VPS37A: variants seen among roughly 807,000 people sequenced by gnomAD.
The protein encoded by VPS37A is VPS37A subunit of ESCRT-I.
In VPS37A, 30 loss-of-function variants were observed where a neutral mutation model predicts 49.8. The observed-to-expected ratio is 0.60, with a 90% CI of 0.45 to 0.82. The LOEUF (loss-of-function observed/expected upper bound fraction) is 0.82, where lower values mean the gene tolerates loss of function less well. Ranked by LOEUF, VPS37A falls within the 40% of genes least tolerant of loss-of-function variation. VPS37A has a pLI of 0.00. For synonymous variants in VPS37A, 195 were observed against 160.6 expected, an observed-to-expected ratio of 1.21 and a Z score of -1.62; for missense variants, 593 against 464.4, an observed-to-expected ratio of 1.28 and a Z score of -2.55.
intron 1 of VPS37A, among the ~76,000 whole-genome samples, chr8:17,252,410 C>T (rs1182254414): frequency 1.3e-5 from 2 of 152,044 alleles, no homozygotes; most frequent in East Asian, 3.9e-4. Flanking sequence ...ACTCCTGGGC[C>T]CAAGCACTCT....
chr8:17,323,885 A>T, the VPS37A span, among the ~76,000 whole-genome samples: 2 of 152,194 alleles, frequency 1.3e-5, no homozygotes, highest in African/African-American at 4.8e-5. Context: ...GTTCTCTGAA[A>T]ATCTGCCATC....
At chr8:17,272,911 T>A (rs1190817140) in intron 4 of VPS37A, among the ~76,000 whole-genome samples, 3 of 152,044 alleles carry the variant, frequency 2.0e-5, no homozygotes. Flanking sequence ...AAGTTATTTG[T>A]TTGGGTTTGT....
chr8:17,302,360 A>C, downstream of VPS37A: 1 of 1,426,612 alleles, frequency 7.0e-7, no homozygotes, highest in Non-Finnish European at 9.5e-7. Context: ...TAAGGTATCT[A>C]TGATACCACA....
chr8:17,300,483 C>G (rs954326476), downstream of VPS37A, among the ~76,000 whole-genome samples: 1 of 152,146 alleles, frequency 6.6e-6, no homozygotes, highest in African/African-American at 2.4e-5. Context: ...TTGAAGCACC[C>G]AGTGAACCCT....
At chr8:17,256,862 G>A (rs1038847238) in intron 1 of VPS37A, among the ~76,000 whole-genome samples, 6 of 152,080 alleles carry the variant, frequency 3.9e-5, no homozygotes, top group Non-Finnish European at 7.4e-5. Flanking sequence ...ATGTTGGTCA[G>A]GCTGGTCTCA....
At chr8:17,329,973 C>T in the VPS37A span, among the ~76,000 whole-genome samples, 574 of 152,264 alleles carry the variant, frequency 3.8e-3, 3 homozygotes, top group African/African-American at 0.013. Context: ...TACAGAGGGG[C>T]ATCAAACTGT....
At chr8:17,328,526 T>C in the VPS37A span, among the ~76,000 whole-genome samples, 1 of 148,428 alleles carries the variant, frequency 6.7e-6, no homozygotes, top group South Asian at 2.1e-4. Flanking sequence ...TGAGAACACA[T>C]GGCCACACGT....
intron 11 of VPS37A, among the ~76,000 whole-genome samples, chr8:17,288,595 C>G (rs997325716): frequency 2.6e-5 from 4 of 152,104 alleles, no homozygotes; most frequent in African/African-American, 9.7e-5. Flanking sequence ...GTATATGTGC[C>G]ACATTTTCTT....
chr8:17,267,965 C>T (rs1813623782), intron 2 of VPS37A, among the ~76,000 whole-genome samples: 1 of 152,300 alleles, frequency 6.6e-6, no homozygotes, highest in South Asian at 2.1e-4. Context: ...TTTTGTATAG[C>T]TTGGTATATT....
chr8:17,292,101 C>CT (rs1586083493), intron 11 of VPS37A, among the ~76,000 whole-genome samples: 2 of 152,258 alleles, frequency 1.3e-5, no homozygotes, highest in East Asian at 3.9e-4. Flanking sequence ...GTGTGGGAGT[C>CT]TAAGTCTCTT....
chr8:17,268,720 G>T (rs942771807), intron 3 of VPS37A, 136 bp from the exon 4 acceptor site: 4 of 656,460 alleles, frequency 6.1e-6, no homozygotes, highest in Admixed American at 3.3e-5. Flanking sequence ...GCTATAACTT[G>T]TTAATTGCTA....
chr8:17,293,979 G>C (rs1445163061), intron 11 of VPS37A, among the ~76,000 whole-genome samples: 2 of 152,230 alleles, frequency 1.3e-5, no homozygotes, highest in African/African-American at 4.8e-5. Context: ...GCTAGAGCAT[G>C]GTGCTGGGTG....
rs188912369 is a variant in VPS37A at position 17,292,226 on chromosome 8, C to G, written c.*1-2761C>G. Among the ~76,000 whole-genome samples, 599 of 152,178 alleles carry G rather than the reference C, an allele frequency of 3.9e-3. 5 individuals carry two copies. The highest frequency in any genetic ancestry group is 0.014 in the African/African-American group (574 of 41,506). On this transcript the variant is annotated intron_variant, in intron 11 of 11. Coordinates refer to ENST00000324849, the MANE Select transcript of VPS37A (RefSeq NM_152415.3). ...GATCCCTTTACCATTATGTAATGCC[C>G]TTCTTTGTCTTTTTTGGTTTTTCTT... is the stretch of plus-strand genomic sequence containing the variant.
intron 9 of VPS37A, among the ~76,000 whole-genome samples, chr8:17,283,258 C>T (rs761424149): frequency 1.8e-4 from 28 of 152,036 alleles, no homozygotes; most frequent in Admixed American, 1.7e-3. Context: ...CAGGCTCAAG[C>T]GATCCTCCCA....
chr8:17,285,877 G>T (rs1420000863), intron 10 of VPS37A, among the ~76,000 whole-genome samples: 1 of 152,198 alleles, frequency 6.6e-6, no homozygotes, highest in Non-Finnish European at 1.5e-5. Context: ...CTAGAAGCTT[G>T]TAGGCGAAGG....
intron 4 of VPS37A, among the ~76,000 whole-genome samples, chr8:17,272,594 A>AT (rs1476739577): frequency 3.9e-5 from 6 of 152,234 alleles, no homozygotes; most frequent in Non-Finnish European, 7.3e-5. Flanking sequence ...TGAGTTCAAA[A>AT]TAAAGCAGAT....
chr8:17,321,798 T>A, the VPS37A span, among the ~76,000 whole-genome samples: 1 of 152,192 alleles, frequency 6.6e-6, no homozygotes, highest in African/African-American at 2.4e-5. Flanking sequence ...TGCCCAGGTC[T>A]AGTGATATTT....
intron 1 of VPS37A, among the ~76,000 whole-genome samples, chr8:17,259,265 G>T (rs1022718728): frequency 4.0e-5 from 6 of 151,876 alleles, no homozygotes; most frequent in Non-Finnish European, 7.4e-5. Context: ...AGATTTTGGT[G>T]TGTTCTATTT....
At position 17,295,573 on chromosome 8, in the gene VPS37A, A is replaced by G. The variant is rs1322344115; in HGVS notation, c.*587A>G. ...AAGAATAAACCAGCTGTTCTTATAT[A>G]TTGTTTCATTTTTAAAACTAAAGAT... On this transcript the variant is annotated 3_prime_UTR_variant, in exon 12 of 12. Transcript: ENST00000324849. 6.6e-6 allele frequency: 1 copy of G among 152,502 alleles called. No individual in the cohort carries two copies. The highest frequency in any genetic ancestry group is 1.5e-5 in the Non-Finnish European group (1 of 67,986). 9.4% of individuals were successfully genotyped at this position (152,502 alleles called of 1,614,324 possible).
Sources: gnomAD v4.1 joint callset for allele counts (sites outside exome capture counted in the v4.1 genomes callset) on GRCh38, gnomAD v4.1.1 for gene constraint, MANE v1.5 for transcripts, NCBI Gene and HGNC (gene_info 2026-07-23, HGNC 2026-07-21) for gene names.